DIP2C: variants seen among roughly 807,000 people sequenced by gnomAD.
DIP2C encodes DIP2 acetate--CoA ligase C (putative), also known as disco-interacting protein 2 homolog C.
In DIP2C, 33 loss-of-function variants were observed where a neutral mutation model predicts 192.4. The observed-to-expected ratio is 0.17, with a 90% CI of 0.13 to 0.23. The LOEUF is 0.23. Among genes scored for constraint, DIP2C ranks in the 10% least tolerant of loss-of-function variants. The pLI is 1.00. For missense variants in DIP2C, 1,537 were observed against 2,110.1 expected (o/e 0.73, Z 5.32); for synonymous variants, 979 against 864.1 (o/e 1.13, Z -2.33).
chr10:437,003 C>A (rs376054837), intron 4 of DIP2C, among the ~76,000 whole-genome samples: 23 of 136,910 alleles, frequency 1.7e-4, no homozygotes, highest in African/African-American at 5.9e-4. Context: ...GGTGGCCATG[C>A]TCCACCCACA....
Position 560,257 on chromosome 10 carries a change from C to A in DIP2C, c.86-73727G>T, listed in dbSNP as rs546800663. On this transcript the variant is annotated intron_variant, in intron 1 of 36. Coordinates refer to ENST00000280886, the MANE Select transcript of DIP2C (RefSeq NM_014974.3). Reference sequence around the variant, plus strand: ...GGAGAAGACACGCGATCAAGGTGGACAGGATGGAGGAGTCACAAAGAGGGG... The same window carrying A: ...GGAGAAGACACGCGATCAAGGTGGAAAGGATGGAGGAGTCACAAAGAGGGG... 8.5e-5 allele frequency among the ~76,000 whole-genome samples: 13 copies of A among 152,180 alleles called. No homozygotes were observed. In the South Asian group the frequency reaches 1.7e-3, roughly 19 times the overall value.
chr10:672,773 C>T (rs995980586), intron 1 of DIP2C, among the ~76,000 whole-genome samples: 3 of 152,200 alleles, frequency 2.0e-5, no homozygotes, highest in African/African-American at 7.2e-5. Context: ...TTTAATAGTG[C>T]CGTCTCTTGA....
Position 648,843 on chromosome 10 carries a change from C to T in DIP2C, c.85+40651G>A, listed in dbSNP as rs923042105. Reference sequence around the variant, plus strand: ...GTCCACGTCCACATTTGACGGTGGGCGAGAACAGAGGAAAACTGAGTCCAC... The same window carrying T: ...GTCCACGTCCACATTTGACGGTGGGTGAGAACAGAGGAAAACTGAGTCCAC... On this transcript the variant is annotated intron_variant, in intron 1 of 36. Transcript: ENST00000280886. 6.6e-5 allele frequency among the ~76,000 whole-genome samples: 7 copies of T among 106,038 alleles called. No individual in the cohort carries two copies. The South Asian group carries it at 1.7e-3, about 26-fold the overall frequency. 69.6% of individuals were successfully genotyped at this position (106,038 alleles called of 152,430 possible). A position where few individuals can be genotyped will look rare whatever the true frequency, so the allele number is the denominator to read the frequency against.
chr10:582,564 C>G (rs1027585317), intron 1 of DIP2C, among the ~76,000 whole-genome samples: 2 of 152,140 alleles, frequency 1.3e-5, no homozygotes, highest in Non-Finnish European at 2.9e-5. Context: ...GCCTGGGTGA[C>G]AGAGCAAGAC....
At chr10:389,913 C>T (rs1963317116) in intron 13 of DIP2C, 78 bp downstream of exon 13, 8 of 1,138,304 alleles carry the variant, frequency 7.0e-6, no homozygotes, top group Admixed American at 6.2e-5. Context: ...TATGGCTCCT[C>T]GTGGGAGTGA....
intron 2 of DIP2C, chr10:485,082 C>A (rs1345800411): frequency 4.2e-6 from 5 of 1,188,834 alleles, no homozygotes; most frequent in Non-Finnish European, 5.7e-6. Flanking sequence ...GCACGACCGC[C>A]CTCTGCGCCC....
chr10:467,541 A>G (rs1431074340), intron 3 of DIP2C, among the ~76,000 whole-genome samples: 1 of 53,154 alleles, frequency 1.9e-5, no homozygotes, highest in Non-Finnish European at 5.5e-5. Context: ...AAAAAAAATA[A>G]ATAAAATAAA....
In DIP2C at chr10:602,502, G is replaced by A. The variant is rs117034086; in HGVS notation, c.85+86992C>T. ...CCTCGCTCTCAGGACCGGGGTTGGT[G>A]TCCTTGTTGGAAGGCCTGAAGGAGC... is the stretch of plus-strand genomic sequence containing the variant. On this transcript the variant is annotated intron_variant, in intron 1 of 36. Transcript: ENST00000280886. Among the ~76,000 whole-genome samples the A allele has an allele frequency of 2.5e-3, 383 of 152,342 alleles. 1 individual carries two copies. Among genetic ancestry groups the A allele is most frequent in the Middle Eastern group, 0.01 (3 of 294 alleles).
Position 600,461 on chromosome 10 carries a change from G to C in DIP2C, c.85+89033C>G, listed in dbSNP as rs574818077. On this transcript the variant is annotated intron_variant, in intron 1 of 36. Coordinates refer to ENST00000280886, the MANE Select transcript of DIP2C (RefSeq NM_014974.3). Reference sequence around the variant, plus strand: ...GTGTGCAGATGCTCCGGAGCCACCCGACAGCCCTTTCCACCTTAAAGACGA... The same window carrying C: ...GTGTGCAGATGCTCCGGAGCCACCCCACAGCCCTTTCCACCTTAAAGACGA... Among the ~76,000 whole-genome samples, 1,112 of 113,364 alleles carry C rather than the reference G, an allele frequency of 9.8e-3. 41 individuals carry two copies. Among genetic ancestry groups the C allele is most frequent in the African/African-American group, 0.058 (1,056 of 18,074 alleles). The allele number at this position is 113,364 out of a possible 152,430, so 74.4% of individuals were successfully genotyped here.
At chr10:590,698 T>C (rs1220907736) in intron 1 of DIP2C, among the ~76,000 whole-genome samples, 2 of 152,178 alleles carry the variant, frequency 1.3e-5, no homozygotes, top group African/African-American at 4.8e-5. Context: ...GGTTTTTACT[T>C]TACATATCTT....
At chr10:369,438 T>A (rs1460925496) in intron 18 of DIP2C, 56 bp downstream of exon 18, 3 of 1,478,676 alleles carry the variant, frequency 2.0e-6, no homozygotes, top group Non-Finnish European at 2.7e-6. Flanking sequence ...TGGTGACATG[T>A]GTTAGAAAAG....
chr10:609,118 TAAATTTAATATG>T (rs1852886422), intron 1 of DIP2C, among the ~76,000 whole-genome samples: 1 of 152,292 alleles, frequency 6.6e-6, no homozygotes, highest in East Asian at 1.9e-4. Flanking sequence ...CTCGCAGTTC[TAAATTTAATATG>T]AAATTGCTAA....
chr10:320,516 A>G (rs1956958912), intron 31 of DIP2C, among the ~76,000 whole-genome samples: 1 of 152,062 alleles, frequency 6.6e-6, no homozygotes, highest in Non-Finnish European at 1.5e-5. Context: ...CTCAAAAAAA[A>G]AAAAAAAAAT....
intron 35 of DIP2C, chr10:282,138 T>G (rs1256094532): frequency 1.3e-5 from 2 of 154,838 alleles, no homozygotes; most frequent in Non-Finnish European, 2.8e-5. Context: ...AGATAAGTAT[T>G]TTCTAATTTA....
intron 32 of DIP2C, among the ~76,000 whole-genome samples, chr10:298,680 G>A (rs866874476): frequency 3.3e-5 from 5 of 152,202 alleles, no homozygotes; most frequent in Admixed American, 2.0e-4. Context: ...TCTCCCAGGT[G>A]GAATGAGCAC....
At chr10:495,745 G>T (rs919436945) in intron 1 of DIP2C, among the ~76,000 whole-genome samples, 1 of 146,440 alleles carries the variant, frequency 6.8e-6, no homozygotes, top group Non-Finnish European at 1.5e-5. Flanking sequence ...TCTCTTACTC[G>T]CAATACCCCA....
intron 4 of DIP2C, among the ~76,000 whole-genome samples, chr10:437,361 C>CCTGAGCT (rs963647768): frequency 1.8e-4 from 27 of 150,240 alleles, no homozygotes. Flanking sequence ...TCCACCCACA[C>CCTGAGCT]CTGAGCTCTG....
chr10:382,187 G>A (rs192604162), intron 17 of DIP2C, among the ~76,000 whole-genome samples: 6 of 152,244 alleles, frequency 3.9e-5, no homozygotes, highest in Admixed American at 3.3e-4. Context: ...CAAAAAATAT[G>A]TATTAGGCAT....
chr10:603,286 G>A (rs1588571932), intron 1 of DIP2C, among the ~76,000 whole-genome samples: 1 of 91,556 alleles, frequency 1.1e-5, no homozygotes, highest in East Asian at 3.5e-4. Context: ...GTGACAGAAT[G>A]AGACTCCATC....
Sources: gnomAD v4.1 joint callset for allele counts (sites outside exome capture counted in the v4.1 genomes callset) on GRCh38, gnomAD v4.1.1 for gene constraint, MANE v1.5 for transcripts, NCBI Gene and HGNC (gene_info 2026-07-23, HGNC 2026-07-21) for gene names.